The following C1orf87 variants were observed in gnomAD, a reference collection of about 807,000 sequenced individuals.
C1orf87 encodes chromosome 1 open reading frame 87, also known as uncharacterized protein C1orf87.
In C1orf87, 58 loss-of-function variants were observed where a neutral mutation model predicts 60.5. That is an observed-to-expected ratio of 0.96 (90% CI 0.78 to 1.19). The LOEUF is 1.19. C1orf87 is among the 50% of genes most tolerant of loss of function. The pLI, the probability that C1orf87 is intolerant of heterozygous loss-of-function variation, is 0.00. For missense variants in C1orf87, 673 were observed against 638.6 expected (o/e 1.05, Z -0.58); for synonymous variants, 236 against 227.4 (o/e 1.04, Z -0.34).
In C1orf87 at chr1:60,016,399, C is replaced by T. The variant is rs111816914; in HGVS notation, c.1128-5943G>A. 5.4e-3 allele frequency among the ~76,000 whole-genome samples: 826 copies of T among 152,264 alleles called. 4 individuals are homozygous for T. The highest frequency in any genetic ancestry group is 0.02 in the Middle Eastern group (6 of 294). On this transcript the variant is annotated intron_variant, in intron 8 of 11. Transcript: ENST00000371201. ...ATTTTGATCATGTAATTTAACCTTG[C>T]TACTGAGACACTCATTCACTTGCAT...
chr1:60,031,092 A>G (rs1272324098), intron 7 of C1orf87, among the ~76,000 whole-genome samples: 1 of 152,058 alleles, frequency 6.6e-6, no homozygotes, highest in East Asian at 1.9e-4. Context: ...TCTGCACCCA[A>G]AGGAAATTCA....
In C1orf87 at chr1:59,994,961, G is replaced by A. The variant is rs543588880; in HGVS notation, c.1480+2648C>T. Among the ~76,000 whole-genome samples, 318 of 152,278 alleles carry A rather than the reference G, an allele frequency of 2.1e-3. 1 individual carries two copies. Among genetic ancestry groups the A allele is most frequent in the African/African-American group, 7.5e-3 (310 of 41,556 alleles). ...TAATCCTCTTTCCTCATTAAAGACA[G>A]TTGTAGATTTTCCCAGATCTGGCTG... On this transcript the variant is annotated intron_variant, in intron 11 of 11. Transcript: ENST00000371201.
In C1orf87 at chr1:60,025,427, T is replaced by C; in HGVS notation, c.1101A>G (p.Gln367=). The change falls in exon 8 of 12, where the codon CAA becomes CAG. Residue 367 remains glutamine (Q), a synonymous_variant. Coordinates refer to ENST00000371201, the MANE Select transcript of C1orf87 (RefSeq NM_152377.3). The part of the protein sequence containing the change: ...LSLLETLLNH[Q]DLGYQNEIKW... ...TTATTTCATTTTGGTAACCCAAATC[T>C]TGATGGTTAAGCAATGTTTCCAGCA... is the stretch of plus-strand genomic sequence containing the variant. 6.2e-7 allele frequency: 1 copy of C among 1,613,572 alleles called. No individual in the cohort carries two copies. Among genetic ancestry groups the C allele is most frequent in the South Asian group, 1.1e-5 (1 of 91,004 alleles).
chr1:60,044,754 C>G (rs1199149631), intron 3 of C1orf87, among the ~76,000 whole-genome samples: 1 of 152,130 alleles, frequency 6.6e-6, no homozygotes, highest in Non-Finnish European at 1.5e-5. Flanking sequence ...ATCAAGATTC[C>G]CCAGGTTTCT....
intron 3 of C1orf87, among the ~76,000 whole-genome samples, chr1:60,043,419 G>T (rs1256629598): frequency 1.3e-5 from 2 of 151,970 alleles, no homozygotes; most frequent in Non-Finnish European, 2.9e-5. Flanking sequence ...GTCTCACTCT[G>T]TTGCCAGGCT....
chr1:60,067,928 G>A (rs922154345), intron 2 of C1orf87, among the ~76,000 whole-genome samples: 3 of 152,034 alleles, frequency 2.0e-5, no homozygotes, highest in African/African-American at 4.8e-5. Flanking sequence ...CCCAGTTTCT[G>A]TTTTCAGCAC....
intron 2 of C1orf87, among the ~76,000 whole-genome samples, chr1:60,065,265 C>T (rs1645537871): frequency 1.3e-5 from 2 of 151,002 alleles, no homozygotes; most frequent in African/African-American, 4.9e-5. Flanking sequence ...ATAGTTGCAG[C>T]CTCTTTTTCT....
chr1:60,055,724 A>G (rs1052145705), intron 2 of C1orf87, among the ~76,000 whole-genome samples: 3 of 152,202 alleles, frequency 2.0e-5, no homozygotes, highest in African/African-American at 7.2e-5. Context: ...CCAGTATGAA[A>G]AATGAACCCT....
In C1orf87 at chr1:60,065,029, A is replaced by ATATATATATATTAT. The variant is rs1491291377; in HGVS notation, c.107+7507_107+7508insATAATATATATATA. 8.6e-5 allele frequency among the ~76,000 whole-genome samples: 10 copies of ATATATATATATTAT among 116,184 alleles called. 1 individual carries two copies. The highest frequency in any genetic ancestry group is 6.7e-4 in the East Asian group (3 of 4,494). 76.2% of individuals were successfully genotyped at this position (116,184 alleles called of 152,430 possible). A position where few individuals can be genotyped will look rare whatever the true frequency, so the allele number is the denominator to read the frequency against. ...AAATATATATTAAATATATATATTT[A>ATATATATATATTAT]ATATATATATTTAATAATATATAAA... is the stretch of plus-strand genomic sequence containing the variant. On this transcript the variant is annotated intron_variant, in intron 2 of 11. Transcript: ENST00000371201.
rs149131937 is a variant in C1orf87 at position 60,033,426 on chromosome 1, C to T, written c.1029+50G>A. On this transcript the variant is annotated intron_variant, in intron 7 of 11. Transcript: ENST00000371201. Reference sequence around the variant, plus strand: ...TGCCTTATTGCTATAGACCCAATGCCCTGAAGTGGCCTTTACAGAGGAACA... The same window carrying T: ...TGCCTTATTGCTATAGACCCAATGCTCTGAAGTGGCCTTTACAGAGGAACA... The T allele has an allele frequency of 1.8e-4, 274 of 1,555,582 alleles. 1 individual carries two copies. The African/African-American group carries it at 3.0e-3, about 17-fold the overall frequency.
intron 7 of C1orf87, among the ~76,000 whole-genome samples, chr1:60,032,221 A>AT (rs1645243325): frequency 6.6e-6 from 1 of 151,986 alleles, no homozygotes; most frequent in Non-Finnish European, 1.5e-5. Context: ...TCTAACAGGG[A>AT]TTTTTTGGCC....
At chr1:59,991,414 T>C (rs1269036972) in intron 11 of C1orf87, among the ~76,000 whole-genome samples, 1 of 152,222 alleles carries the variant, frequency 6.6e-6, no homozygotes, top group African/African-American at 2.4e-5. Context: ...ATACACATTC[T>C]CCCATGTACT....
At chr1:60,064,367 A>G (rs912213948) in intron 2 of C1orf87, among the ~76,000 whole-genome samples, 1 of 142,336 alleles carries the variant, frequency 7.0e-6, no homozygotes, top group Non-Finnish European at 1.5e-5. Flanking sequence ...TATAATATAT[A>G]TATACACACA....
intron 8 of C1orf87, among the ~76,000 whole-genome samples, chr1:60,020,291 G>A (rs1645154280): frequency 1.3e-5 from 2 of 152,112 alleles, no homozygotes; most frequent in Non-Finnish European, 2.9e-5. Flanking sequence ...GCCGCACTAG[G>A]GCACTGCCTA....
chr1:60,033,803 C>T (rs1645256601), intron 6 of C1orf87, among the ~76,000 whole-genome samples, 162 bp from the exon 7 acceptor site: 1 of 152,172 alleles, frequency 6.6e-6, no homozygotes, highest in African/African-American at 2.4e-5. Flanking sequence ...AGGCCGCATG[C>T]AGACATTTCA....
chr1:60,020,821 T>C (rs1172278219), intron 8 of C1orf87, among the ~76,000 whole-genome samples: 1 of 152,118 alleles, frequency 6.6e-6, no homozygotes, highest in Non-Finnish European at 1.5e-5. Flanking sequence ...TTTAGAAACA[T>C]AAAAAGAACA....
At chr1:60,068,089 C>T (rs1328616320) in intron 2 of C1orf87, among the ~76,000 whole-genome samples, 4 of 152,008 alleles carry the variant, frequency 2.6e-5, no homozygotes, top group Admixed American at 6.6e-5. Context: ...TTTCATAATG[C>T]CCTCTACTGC....
At chr1:60,047,149 G>A (rs116431478) in intron 3 of C1orf87, among the ~76,000 whole-genome samples, 4,539 of 152,162 alleles carry the variant, frequency 0.03, 109 homozygotes, top group Non-Finnish European at 0.042. Context: ...AAAGGGAAAC[G>A]TCCCTTCATC....
At chr1:60,008,811 G>A (rs1032447900) in intron 9 of C1orf87, 2 of 402,398 alleles carry the variant, frequency 5.0e-6, no homozygotes, top group African/African-American at 4.2e-5. Context: ...CCTTCTTAGA[G>A]CCTTAAATTA....
Sources: gnomAD v4.1 joint callset for allele counts (sites outside exome capture counted in the v4.1 genomes callset) on GRCh38, gnomAD v4.1.1 for gene constraint, MANE v1.5 for transcripts, NCBI Gene and HGNC (gene_info 2026-07-23, HGNC 2026-07-21) for gene names.